The following PLXDC2 variants were observed in gnomAD, a reference collection of about 807,000 sequenced individuals.
PLXDC2 encodes the protein plexin domain containing 2, also known as plexin domain-containing protein 2.
In PLXDC2, 40 loss-of-function variants were observed where a neutral mutation model predicts 68.9. The observed-to-expected ratio is 0.58, with a 90% CI of 0.45 to 0.76. The LOEUF (loss-of-function observed/expected upper bound fraction) is 0.76. Ranked by LOEUF, PLXDC2 falls within the 30% of genes least tolerant of loss-of-function variation. The probability of loss-of-function intolerance (pLI) is 0.00; values close to 1 mark genes in which losing one functional copy is unlikely to be tolerated. For missense variants in PLXDC2, 644 were observed against 661.9 expected, an observed-to-expected ratio of 0.97 and a Z score of 0.30; for synonymous variants, 243 against 234.2, an observed-to-expected ratio of 1.04 and a Z score of -0.34.
At chr10:19,825,271 G>A (rs190415300) in intron 1 of PLXDC2, among the ~76,000 whole-genome samples, 5 of 152,216 alleles carry the variant, frequency 3.3e-5, no homozygotes, top group African/African-American at 1.2e-4. Flanking sequence ...CTGTAGGTAA[G>A]GTGTGTAGCT....
chr10:20,104,165 A>G (rs949432260), intron 4 of PLXDC2, among the ~76,000 whole-genome samples: 1 of 152,242 alleles, frequency 6.6e-6, no homozygotes, highest in Non-Finnish European at 1.5e-5. Flanking sequence ...TGAATTAGTC[A>G]CATTTATCTT....
chr10:20,208,134 T>A (rs1392862363), intron 9 of PLXDC2, among the ~76,000 whole-genome samples: 2 of 149,738 alleles, frequency 1.3e-5, no homozygotes, highest in East Asian at 3.9e-4. Flanking sequence ...GTAATATAAT[T>A]AACATGGATT....
At chr10:20,142,610 A>C (rs937053901) in intron 4 of PLXDC2, among the ~76,000 whole-genome samples, 1 of 152,098 alleles carries the variant, frequency 6.6e-6, no homozygotes, top group African/African-American at 2.4e-5. Context: ...CTCATTATCC[A>C]ACTGCTAGAA....
intron 13 of PLXDC2, among the ~76,000 whole-genome samples, chr10:20,259,919 A>G (rs1339086913): frequency 1.3e-5 from 2 of 152,216 alleles, no homozygotes; most frequent in Non-Finnish European, 2.9e-5. Flanking sequence ...GGATAGGGAC[A>G]ACAGAGATAA....
intron 1 of PLXDC2, among the ~76,000 whole-genome samples, chr10:19,841,498 A>T (rs1269763955): frequency 1.3e-5 from 2 of 150,160 alleles, no homozygotes; most frequent in East Asian, 1.9e-4. Context: ...TCATCTAGTG[A>T]TCATAAATGA....
chr10:20,009,339 C>G (rs1835073206), intron 2 of PLXDC2, among the ~76,000 whole-genome samples: 1 of 152,094 alleles, frequency 6.6e-6, no homozygotes, highest in African/African-American at 2.4e-5. Context: ...AGTCCTTTTA[C>G]TATATTTATT....
chr10:20,074,914 C>T (rs4748635), intron 4 of PLXDC2, among the ~76,000 whole-genome samples: 30,968 of 151,874 alleles, frequency 0.2, 3,595 homozygotes, highest in Admixed American at 0.3. Flanking sequence ...ATCTGGAGAT[C>T]TATGTGTTAT....
At chr10:19,848,769 G>A (rs1837060952) in intron 1 of PLXDC2, among the ~76,000 whole-genome samples, 1 of 152,000 alleles carries the variant, frequency 6.6e-6, no homozygotes. Flanking sequence ...CTTTTTGGCT[G>A]CACTTGAATT....
intron 4 of PLXDC2, among the ~76,000 whole-genome samples, chr10:20,074,841 G>C (rs1319513003): frequency 1.4e-5 from 2 of 146,494 alleles, no homozygotes; most frequent in African/African-American, 5.3e-5. Flanking sequence ...TGCATCTAGG[G>C]AGAAGGTGAA....
intron 9 of PLXDC2, among the ~76,000 whole-genome samples, chr10:20,200,534 A>G (rs894136756): frequency 1.3e-5 from 2 of 152,038 alleles, no homozygotes; most frequent in African/African-American, 4.8e-5. Context: ...AACATAAACA[A>G]TTGGCATTGC....
chr10:19,854,809 C>T (rs1344238343), intron 1 of PLXDC2, among the ~76,000 whole-genome samples: 2 of 152,142 alleles, frequency 1.3e-5, no homozygotes, highest in Admixed American at 6.5e-5. Flanking sequence ...CACATAGTCA[C>T]CCCAGTCCTG....
intron 11 of PLXDC2, 136 bp from the exon 12 acceptor site, chr10:20,218,928 G>A: frequency 1.1e-6 from 1 of 943,070 alleles, no homozygotes; most frequent in Non-Finnish European, 1.6e-6. Flanking sequence ...CATTGCACTA[G>A]AAATTACCAC....
At chr10:20,056,350 G>A (rs1230282457) in intron 3 of PLXDC2, among the ~76,000 whole-genome samples, 1 of 152,038 alleles carries the variant, frequency 6.6e-6, no homozygotes, top group Non-Finnish European at 1.5e-5. Context: ...GTATTTCTCT[G>A]CATGCCTGGG....
intron 1 of PLXDC2, among the ~76,000 whole-genome samples, chr10:19,878,304 T>A (rs771229408): frequency 1.1e-3 from 173 of 152,152 alleles, no homozygotes; most frequent in Non-Finnish European, 1.8e-3. Flanking sequence ...TGGGCCCAAG[T>A]GATCCTCCTG....
chr10:19,946,124 T>G (rs988068689), intron 1 of PLXDC2, among the ~76,000 whole-genome samples: 5 of 152,158 alleles, frequency 3.3e-5, no homozygotes, highest in African/African-American at 1.2e-4. Context: ...GAGAATTTTC[T>G]CAAAGCAGCT....
At chr10:20,191,066 T>A (rs1207951938) in intron 9 of PLXDC2, among the ~76,000 whole-genome samples, 1 of 151,990 alleles carries the variant, frequency 6.6e-6, no homozygotes, top group Non-Finnish European at 1.5e-5. Context: ...ATTCTGTCAT[T>A]CATGGAAAAG....
chr10:20,236,994 G>GT (rs1257989023), intron 12 of PLXDC2, among the ~76,000 whole-genome samples: 10 of 139,796 alleles, frequency 7.2e-5, no homozygotes, highest in Admixed American at 2.1e-4. Flanking sequence ...GGGATTATGA[G>GT]TTGTTGTTTT....
chr10:20,238,045 A>G (rs1263932284), intron 12 of PLXDC2, among the ~76,000 whole-genome samples: 2 of 152,052 alleles, frequency 1.3e-5, no homozygotes, highest in Non-Finnish European at 2.9e-5. Flanking sequence ...TAAATACAGA[A>G]TATCAATGCC....
intron 1 of PLXDC2, among the ~76,000 whole-genome samples, chr10:19,894,061 A>G (rs1023771959): frequency 3.9e-5 from 6 of 152,164 alleles, no homozygotes; most frequent in East Asian, 1.9e-4. Flanking sequence ...TCAATGCCCA[A>G]TCTGTAGAAA....
Sources: allele counts gnomAD v4.1 joint callset (sites outside exome capture counted in the v4.1 genomes callset), GRCh38; gene constraint gnomAD v4.1.1; transcripts MANE v1.5; gene names NCBI Gene and HGNC (gene_info 2026-07-23, HGNC 2026-07-21).